Variants in CNTN2 observed in about 807,000 individuals in gnomAD.
CNTN2 encodes the protein contactin-2.
A neutral mutation model predicts 117.5 loss-of-function variants in CNTN2; 53 were observed. The observed-to-expected ratio is 0.45, with a 90% CI of 0.36 to 0.57. CNTN2 has a LOEUF of 0.57. Among genes scored for constraint, CNTN2 ranks in the 20% least tolerant of loss-of-function variants. CNTN2 has a pLI of 0.00. For missense variants in CNTN2, 1,106 were observed against 1,404.3 expected (o/e 0.79, Z 3.39); for synonymous variants, 530 against 561.7 (o/e 0.94, Z 0.80).
intron 1 of CNTN2, among the ~76,000 whole-genome samples, chr1:205,049,280 C>CAACACA (rs1558534753): frequency 9.1e-5 from 11 of 120,800 alleles, no homozygotes; most frequent in African/African-American, 2.6e-4. Context: ...TCCTCACACC[C>CAACACA]GACACACACA....
At position 205,072,061 on chromosome 1, in the gene CNTN2, A is replaced by C; in HGVS notation, c.2659A>C (p.Thr887Pro). The C allele has an allele frequency of 6.2e-7, 1 of 1,614,018 alleles. No homozygotes were observed. The highest frequency in any genetic ancestry group is 8.5e-7 in the Non-Finnish European group (1 of 1,180,010). The change falls in exon 20 of 23, where the codon ACC becomes CCC. Residue 887 changes from threonine (T) to proline (P), a missense_variant. Transcript: ENST00000331830. ...GLHPNTKYHVTVRAYNRAGTG... is the reference protein window; with the variant it reads ...GLHPNTKYHVPVRAYNRAGTG... Reference sequence around the variant, plus strand: ...GCATCCCAACACCAAGTACCATGTGACCGTGAGGGCCTACAACCGGGCTGG... The same window carrying C: ...GCATCCCAACACCAAGTACCATGTGCCCGTGAGGGCCTACAACCGGGCTGG...
chr1:205,062,808 T>A, intron 10 of CNTN2: 1 of 315,998 alleles, frequency 3.2e-6, no homozygotes, highest in Non-Finnish European at 5.7e-6. Context: ...CAGTAAATGT[T>A]TGCTGCAGTG....
rs1558553915 is a variant in CNTN2 at position 205,070,434 on chromosome 1, G to A, written c.2440G>A (p.Val814Met). 1.2e-6 allele frequency: 2 copies of A among 1,612,458 alleles called. No individual in the cohort carries two copies. Among genetic ancestry groups the A allele is most frequent in the East Asian group, 2.2e-5 (1 of 44,850 alleles). Reference sequence around the variant, plus strand: ...TCTGTATTGGTCCCCAGAGCCCAGGGTGGCCCCTACCAAGGTGTGGGCCAA... The same window carrying A: ...TCTGTATTGGTCCCCAGAGCCCAGGATGGCCCCTACCAAGGTGTGGGCCAA... ...LVYSAEEEPR[V>M]APTKVWAKGV... Residue 814 changes from valine (V) to methionine (M), a missense_variant, in exon 19 of 23, where the codon GTG (valine) becomes ATG (methionine). Transcript: ENST00000331830.
At position 205,046,999 on chromosome 1, in the gene CNTN2, C is replaced by T. The variant is rs545986641; in HGVS notation, c.-87+3605C>T. 6.4e-4 allele frequency among the ~76,000 whole-genome samples: 98 copies of T among 152,276 alleles called. 1 individual carries two copies. The highest frequency in any genetic ancestry group is 5.0e-3 in the Admixed American group (77 of 15,304). ...GCTCAGATCAAGGGCCAGACTCCCCCCTGCCCAATGCTAGAAGATCAAACA... is the reference window on the plus strand; with the variant it reads ...GCTCAGATCAAGGGCCAGACTCCCCTCTGCCCAATGCTAGAAGATCAAACA... On this transcript the variant is annotated intron_variant, in intron 1 of 22. Transcript: ENST00000331830.
At chr1:205,056,363 T>G (rs1305749200) in intron 2 of CNTN2, among the ~76,000 whole-genome samples, 1 of 151,338 alleles carries the variant, frequency 6.6e-6, no homozygotes, top group Non-Finnish European at 1.5e-5. Context: ...AGCTGGACTT[T>G]CCAGCCGAGA....
In CNTN2 at chr1:205,074,599, G is replaced by C; in HGVS notation, c.*834G>C. ...CTGGGTGACTAAAGGGCTTGTCTTG[G>C]TGGGGTCTCCCACCCCTCCAAGACC... On this transcript the variant is annotated 3_prime_UTR_variant, in exon 23 of 23. Transcript: ENST00000331830. 2.5e-6 allele frequency: 1 copy of C among 398,872 alleles called. No individual in the cohort carries two copies. The highest frequency in any genetic ancestry group is 4.4e-6 in the Non-Finnish European group (1 of 226,106). The allele number at this position is 398,872 out of a possible 1,614,324, so 24.7% of individuals were successfully genotyped here.
Position 205,073,615 on chromosome 1 carries a change from G to C in CNTN2, c.3014-41G>C, listed in dbSNP as rs1411195891. On this transcript the variant is annotated intron_variant, in intron 22 of 22. Coordinates refer to ENST00000331830, the MANE Select transcript of CNTN2 (RefSeq NM_005076.5). This position sits in a 1 kb window ranked among gnomAD's most constrained non-coding sequence, Gnocchi z 6.3. Reference sequence around the variant, plus strand: ...ATCTTGCCACAAGGGTGGGGCTAGGGTAGTCCCAGGCCCAGCTGACTCAGC... The same window carrying C: ...ATCTTGCCACAAGGGTGGGGCTAGGCTAGTCCCAGGCCCAGCTGACTCAGC... 6.4e-7 allele frequency: 1 copy of C among 1,564,338 alleles called. No individual in the cohort carries two copies. The highest frequency in any genetic ancestry group is 8.8e-7 in the Non-Finnish European group (1 of 1,140,884).
intron 9 of CNTN2, 56 bp downstream of exon 9, chr1:205,062,057 T>TC: frequency 6.3e-7 from 1 of 1,579,810 alleles, no homozygotes; most frequent in South Asian, 1.1e-5. Flanking sequence ...CTCACTTGGT[T>TC]CCCTCCCCCG....
At chr1:205,049,078 T>C (rs980478243) in intron 1 of CNTN2, among the ~76,000 whole-genome samples, 3 of 151,850 alleles carry the variant, frequency 2.0e-5, no homozygotes, top group African/African-American at 7.3e-5. Flanking sequence ...TCCCCTGCAG[T>C]CTCCTCTAAG....
chr1:205,047,668 CAGG>C (rs927614191), intron 1 of CNTN2, among the ~76,000 whole-genome samples: 35 of 152,124 alleles, frequency 2.3e-4, no homozygotes, highest in African/African-American at 8.2e-4. Flanking sequence ...GGCACCTGCC[CAGG>C]AGATTGTGGG....
chr1:205,061,013 T>G lies in CNTN2; in HGVS notation c.798-232T>G. 2.0e-6 allele frequency: 1 copy of G among 493,128 alleles called. No individual in the cohort carries two copies. The allele number at this position is 493,128 out of a possible 1,614,324, so 30.5% of individuals were successfully genotyped here. A position where few individuals can be genotyped will look rare whatever the true frequency, so the allele number is the denominator to read the frequency against. Reference sequence around the variant, plus strand: ...AGCCCGGCTTCACTGGCTCCAGGGTTGTTGCAGGGGGGATGGGTAGAGCAG... The same window carrying G: ...AGCCCGGCTTCACTGGCTCCAGGGTGGTTGCAGGGGGGATGGGTAGAGCAG... On this transcript the variant is annotated intron_variant, in intron 7 of 22. Transcript: ENST00000331830. This position sits in a 1 kb window ranked among gnomAD's most constrained non-coding sequence, Gnocchi z 4.8.
At position 205,055,101 on chromosome 1, in the gene CNTN2, A is replaced by G. The variant is rs909978419; in HGVS notation, c.70+1846A>G. 1.1e-4 allele frequency among the ~76,000 whole-genome samples: 17 copies of G among 151,276 alleles called. No homozygotes were observed. In the South Asian group the frequency reaches 1.5e-3, roughly 13 times the overall value. On this transcript the variant is annotated intron_variant, in intron 2 of 22. Coordinates refer to ENST00000331830, the MANE Select transcript of CNTN2 (RefSeq NM_005076.5). Reference sequence around the variant, plus strand: ...TGATCTTGGCTCTCTGCAACCTCTGACTCCTGGGTTCAAGCGATTCTCCTG... The same window carrying G: ...TGATCTTGGCTCTCTGCAACCTCTGGCTCCTGGGTTCAAGCGATTCTCCTG...
chr1:205,065,390 C>A lies in CNTN2; in HGVS notation c.1695+128C>A. On this transcript the variant is annotated intron_variant, in intron 13 of 22. Coordinates refer to ENST00000331830, the MANE Select transcript of CNTN2 (RefSeq NM_005076.5). This position sits in a 1 kb window ranked among gnomAD's most constrained non-coding sequence, Gnocchi z 4.1. ...AAGCGCCCCCATTCCCTCAGGCCCA[C>A]ACATGGCAAGCTCATCCTTGGATGA... The A allele has an allele frequency of 1.0e-6, 1 of 958,014 alleles. No homozygotes were observed. Among genetic ancestry groups the A allele is most frequent in the Admixed American group, 2.4e-5 (1 of 41,418 alleles). 59.3% of individuals were successfully genotyped at this position (958,014 alleles called of 1,614,324 possible).
chr1:205,049,417 C>CACACATAT (rs1350523480), intron 1 of CNTN2, among the ~76,000 whole-genome samples: 2 of 149,692 alleles, frequency 1.3e-5, no homozygotes, highest in South Asian at 2.2e-4. Flanking sequence ...ATATGTATAT[C>CACACATAT]ACACATATAC....
At position 205,075,237 on chromosome 1, in the gene CNTN2, A is replaced by G. The variant is rs1260933254; in HGVS notation, c.*1472A>G. On this transcript the variant is annotated 3_prime_UTR_variant, in exon 23 of 23. Coordinates refer to ENST00000331830, the MANE Select transcript of CNTN2 (RefSeq NM_005076.5). ...TTAGTCAGTAGGGTGTGAAAATTCT[A>G]CTTCAAGGGGTTCGGATTGGTGATC... 4.8e-6 allele frequency: 1 copy of G among 209,946 alleles called. No individual in the cohort carries two copies. 13.0% of individuals were successfully genotyped at this position (209,946 alleles called of 1,614,324 possible). A position where few individuals can be genotyped will look rare whatever the true frequency, so the allele number is the denominator to read the frequency against.
intron 2 of CNTN2, among the ~76,000 whole-genome samples, chr1:205,056,679 G>C (rs1653643670): frequency 6.6e-6 from 1 of 152,194 alleles, no homozygotes; most frequent in African/African-American, 2.4e-5. Context: ...TGCGTTAAGA[G>C]GTAGAAGCCA....
chr1:205,054,097 T>G (rs1264319473), intron 2 of CNTN2, among the ~76,000 whole-genome samples: 1 of 152,234 alleles, frequency 6.6e-6, no homozygotes, highest in Admixed American at 6.5e-5. Context: ...CTAAGGGGTC[T>G]GCTGGACCCA....
At position 205,070,067 on chromosome 1, in the gene CNTN2, C is replaced by G. The variant is rs759294386; in HGVS notation, c.2431+6C>G. ...CGTGTACTCAGCTGAGGAAGGTGGG[C>G]TGCCCCTGGGCCCCCTGCTCGTCCC... On this transcript the variant is annotated splice_donor_region_variant and intron_variant, in intron 18 of 22. Transcript: ENST00000331830. The G allele has an allele frequency of 5.0e-6, 8 of 1,612,868 alleles. No individual in the cohort carries two copies. The East Asian group carries it at 1.8e-4, about 36-fold the overall frequency.
intron 17 of CNTN2, 65 bp from the exon 18 acceptor site, chr1:205,069,762 G>A (rs1654488061): frequency 2.6e-6 from 4 of 1,549,040 alleles, no homozygotes; most frequent in Non-Finnish European, 3.5e-6. Flanking sequence ...AGGTTGGGTG[G>A]GGCCAGGGAA....
Sources: gnomAD v4.1 joint callset for allele counts (sites outside exome capture counted in the v4.1 genomes callset) on GRCh38, gnomAD v4.1.1 for gene constraint, Gnocchi (gnomAD v3.1) non-coding constraint, MANE v1.5 for transcripts, NCBI Gene and HGNC (gene_info 2026-07-23, HGNC 2026-07-21) for gene names.